The following PCSK5 variants were observed in gnomAD, a reference collection of about 807,000 sequenced individuals.
The protein encoded by PCSK5 is prohormone convertase 5.
PCSK5 carries 129 observed loss-of-function variants against 233.2 expected under a neutral mutation model. The observed-to-expected ratio is 0.55, with a 90% confidence interval of 0.48 to 0.64. The LOEUF (loss-of-function observed/expected upper bound fraction) is 0.64, where lower values mean the gene tolerates loss of function less well. PCSK5 is among the 30% of genes least tolerant of loss of function. The pLI is 0.00. For synonymous variants in PCSK5, 825 were observed against 879.2 expected (o/e 0.94, Z 1.09); for missense variants, 2,076 against 2,430.1 (o/e 0.85, Z 3.06).
chr9:76,075,224 AAATAAT>A (rs145167571), intron 7 of PCSK5, among the ~76,000 whole-genome samples: 4 of 150,574 alleles, frequency 2.7e-5, no homozygotes, highest in South Asian at 2.1e-4. Context: ...CGTCTCAATA[AAATAAT>A]AATAATAATA....
At chr9:76,170,909 T>C (rs1823304036) in intron 13 of PCSK5, among the ~76,000 whole-genome samples, 1 of 152,218 alleles carries the variant, frequency 6.6e-6, no homozygotes, top group Admixed American at 6.5e-5. Context: ...CTGTACATTT[T>C]GGTTATCCCT....
rs568249471 is a variant in PCSK5, at chr9:75,930,157, C to T, written c.193-2222C>T. Among the ~76,000 whole-genome samples, 6 of 152,300 alleles carry T rather than the reference C, an allele frequency of 3.9e-5. No homozygotes were observed. In the South Asian group the frequency reaches 1.2e-3, roughly 32 times the overall value. On this transcript the variant is annotated intron_variant, in intron 1 of 37. Transcript: ENST00000674117. The stretch of plus-strand genomic sequence containing the variant: ...GGGTTATAGGCATGAGCCACTGTGC[C>T]CAGCTGATCTCTTGAGACTTATTCA...
chr9:76,162,359 T>C (rs946908752), intron 12 of PCSK5, among the ~76,000 whole-genome samples: 1 of 152,140 alleles, frequency 6.6e-6, no homozygotes, highest in African/African-American at 2.4e-5. Context: ...AACCTCTCAG[T>C]CTCTGACCTA....
chr9:76,038,287 A>G (rs1012967816), intron 5 of PCSK5, among the ~76,000 whole-genome samples: 4 of 152,074 alleles, frequency 2.6e-5, no homozygotes, highest in Admixed American at 1.3e-4. Flanking sequence ...ATCTTCCCAT[A>G]GGCTCTAGTA....
At chr9:76,353,516 T>C (rs1478947819) in intron 36 of PCSK5, among the ~76,000 whole-genome samples, 4 of 152,180 alleles carry the variant, frequency 2.6e-5, no homozygotes, top group Non-Finnish European at 4.4e-5. Flanking sequence ...GTTGGTGACA[T>C]AATAGCAAGT....
chr9:76,089,242 A>G (rs1831188709), intron 7 of PCSK5, among the ~76,000 whole-genome samples: 1 of 152,126 alleles, frequency 6.6e-6, no homozygotes, highest in African/African-American at 2.4e-5. Context: ...GAGGAAGAAT[A>G]TCAAAAAAGA....
intron 1 of PCSK5, among the ~76,000 whole-genome samples, chr9:75,914,030 T>C (rs1564078178): frequency 6.6e-6 from 1 of 152,208 alleles, no homozygotes; most frequent in Admixed American, 6.5e-5. Context: ...TGTTCTTAAA[T>C]GATTTGTAGT....
chr9:76,026,870 A>C (rs1828446675), intron 4 of PCSK5, 91 bp from the exon 5 acceptor site: 2 of 837,452 alleles, frequency 2.4e-6, no homozygotes, highest in Non-Finnish European at 3.9e-6. Context: ...TTTCTGGCAG[A>C]AATGTATTTA....
At chr9:76,315,793 C>T (rs538018683) in intron 30 of PCSK5, among the ~76,000 whole-genome samples, 6 of 151,692 alleles carry the variant, frequency 4.0e-5, no homozygotes, top group African/African-American at 1.5e-4. Flanking sequence ...CCATCAAGCT[C>T]GACTAATTTT....
At chr9:76,191,522 ACGG>A (rs1278566694) in intron 20 of PCSK5, among the ~76,000 whole-genome samples, 5 of 152,222 alleles carry the variant, frequency 3.3e-5, no homozygotes, top group Non-Finnish European at 7.3e-5. Flanking sequence ...GTCAGAAAGA[ACGG>A]GGCACATGAT....
intron 7 of PCSK5, among the ~76,000 whole-genome samples, chr9:76,078,562 C>T (rs576704138): frequency 6.6e-6 from 1 of 152,064 alleles, no homozygotes; most frequent in Non-Finnish European, 1.5e-5. Flanking sequence ...ATCCCAGCGC[C>T]ATTTATTGAA....
At chr9:76,205,197 T>C (rs1349234940) in intron 20 of PCSK5, 2 of 518,862 alleles carry the variant, frequency 3.9e-6, no homozygotes, top group Non-Finnish European at 7.7e-6. Context: ...ACTACTAGGT[T>C]AGCCCTCACT....
chr9:76,279,880 G>A (rs1201254568), intron 24 of PCSK5, among the ~76,000 whole-genome samples: 3 of 151,604 alleles, frequency 2.0e-5, no homozygotes, highest in African/African-American at 7.3e-5. Context: ...TCACTCTGAT[G>A]GTAGTTTCTT....
intron 1 of PCSK5, among the ~76,000 whole-genome samples, chr9:75,912,502 T>C (rs1439747932): frequency 6.6e-6 from 1 of 152,126 alleles, no homozygotes; most frequent in Non-Finnish European, 1.5e-5. Context: ...AGATCTGAGA[T>C]GGGGCTGGAG....
chr9:76,170,596 C>T (rs908791370), intron 13 of PCSK5, among the ~76,000 whole-genome samples: 8 of 152,194 alleles, frequency 5.3e-5, no homozygotes, highest in African/African-American at 1.9e-4. Flanking sequence ...AGCTTCCCAC[C>T]CATCCATGAA....
At chr9:76,229,071 C>T (rs1469762462) in intron 21 of PCSK5, among the ~76,000 whole-genome samples, 4 of 152,174 alleles carry the variant, frequency 2.6e-5, no homozygotes, top group Non-Finnish European at 5.9e-5. Context: ...CCGAAGAAGA[C>T]ACAAAGGAAC....
chr9:75,902,239 A>AAAAAAAAG (rs1826074007), intron 1 of PCSK5, among the ~76,000 whole-genome samples: 1 of 143,172 alleles, frequency 7.0e-6, no homozygotes, highest in Non-Finnish European at 1.5e-5. Flanking sequence ...AAAAAAAAAA[A>AAAAAAAAG]AAAAGAAAAG....
chr9:76,138,125 C>T (rs963559412), intron 10 of PCSK5, among the ~76,000 whole-genome samples: 1 of 151,996 alleles, frequency 6.6e-6, no homozygotes, highest in African/African-American at 2.4e-5. Flanking sequence ...TTGAAGTGAG[C>T]GCAGAAAGTG....
At chr9:76,040,128 G>C (rs749243491) in intron 5 of PCSK5, among the ~76,000 whole-genome samples, 1 of 152,076 alleles carries the variant, frequency 6.6e-6, no homozygotes, top group Non-Finnish European at 1.5e-5. Flanking sequence ...TCTTTTTTAC[G>C]TATAAGGAAT....
Sources: allele counts gnomAD v4.1 joint callset (sites outside exome capture counted in the v4.1 genomes callset), GRCh38; gene constraint gnomAD v4.1.1; transcripts MANE v1.5; gene names NCBI Gene and HGNC (gene_info 2026-07-23, HGNC 2026-07-21).